The following ARHGAP32 variants were observed in gnomAD, a reference collection of about 807,000 sequenced individuals.
ARHGAP32 encodes Rho GTPase activating protein 32, also known as rho GTPase-activating protein 32.
ARHGAP32 carries 51 observed loss-of-function variants against 186.5 expected under a neutral mutation model. The ratio of observed to expected loss-of-function variants is 0.27; its 90% CI spans 0.22 to 0.35. ARHGAP32 has a LOEUF of 0.35. Among genes scored for constraint, ARHGAP32 ranks in the 10% least tolerant of loss-of-function variants. The pLI, the probability that ARHGAP32 is intolerant of heterozygous loss-of-function variation, is 1.00. For missense variants in ARHGAP32, 2,186 were observed against 2,623.5 expected (o/e 0.83, Z 3.64); for synonymous variants, 950 against 964.3 (o/e 0.99, Z 0.27).
intron 10 of ARHGAP32, among the ~76,000 whole-genome samples, chr11:129,061,558 TA>T (rs1940504730): frequency 6.6e-6 from 1 of 152,146 alleles, no homozygotes; most frequent in Non-Finnish European, 1.5e-5. Flanking sequence ...CACAGCACCT[TA>T]ATACCTCAAC....
At chr11:129,199,546 A>G (rs1404480492) in intron 1 of ARHGAP32, among the ~76,000 whole-genome samples, 1 of 152,270 alleles carries the variant, frequency 6.6e-6, no homozygotes, top group Non-Finnish European at 1.5e-5. Context: ...AGCTTCCACA[A>G]GGTGTTGAGC....
At chr11:129,262,445 G>A (rs780793116) in intron 1 of ARHGAP32, among the ~76,000 whole-genome samples, 17 of 151,490 alleles carry the variant, frequency 1.1e-4, no homozygotes, top group Admixed American at 3.9e-4. Flanking sequence ...GTGCAGTGGC[G>A]CAATCTTGGC....
At chr11:129,160,776 T>C (rs1039051523) in intron 2 of ARHGAP32, among the ~76,000 whole-genome samples, 5 of 152,126 alleles carry the variant, frequency 3.3e-5, no homozygotes, top group Non-Finnish European at 5.9e-5. Flanking sequence ...CAAGCCACCA[T>C]TGACTTTCTT....
At chr11:128,975,040 C>A (rs375966866) in intron 20 of ARHGAP32, 38 bp from the exon 21 acceptor site, 7 of 1,547,952 alleles carry the variant, frequency 4.5e-6, no homozygotes, top group Non-Finnish European at 6.1e-6. Context: ...GTAAGAACAT[C>A]GTAGATACAG....
intron 12 of ARHGAP32, among the ~76,000 whole-genome samples, chr11:128,998,105 G>A (rs527852056): frequency 4.6e-5 from 7 of 152,276 alleles, no homozygotes; most frequent in African/African-American, 7.2e-5. Context: ...TACTCTTCCC[G>A]AATAGAACAC....
intron 2 of ARHGAP32, among the ~76,000 whole-genome samples, chr11:129,138,159 C>T (rs1405810774): frequency 6.6e-6 from 1 of 151,540 alleles, no homozygotes; most frequent in Non-Finnish European, 1.5e-5. Flanking sequence ...AAACTGAAGC[C>T]CTGAATTTAA....
In ARHGAP32 at chr11:128,968,376, T is replaced by C. The variant is rs534886543; in HGVS notation, c.*531A>G. 2 of 152,344 alleles carry C rather than the reference T, an allele frequency of 1.3e-5. No individual in the cohort carries two copies. The highest frequency in any genetic ancestry group is 6.5e-5 in the Admixed American group (1 of 15,302). The allele number at this position is 152,344 out of a possible 1,614,324, so 9.4% of individuals were successfully genotyped here. On this transcript the variant is annotated 3_prime_UTR_variant, in exon 23 of 23. Coordinates refer to ENST00000682385, the MANE Select transcript of ARHGAP32 (RefSeq NM_001378024.1). ...GACTGACCTTGAAGGATCAGGGATT[T>C]TTCCACGACTCTAACTGAACACAAG... is the stretch of plus-strand genomic sequence containing the variant.
chr11:129,110,616 A>C (rs1942181674), intron 5 of ARHGAP32, among the ~76,000 whole-genome samples: 1 of 152,168 alleles, frequency 6.6e-6, no homozygotes, highest in African/African-American at 2.4e-5. Context: ...AATTTCATTC[A>C]TCAGTGTTAC....
At chr11:129,249,747 C>A (rs1419943897) in intron 1 of ARHGAP32, among the ~76,000 whole-genome samples, 2 of 151,932 alleles carry the variant, frequency 1.3e-5, no homozygotes, top group Non-Finnish European at 2.9e-5. Flanking sequence ...CATTTGATAT[C>A]CACCACACCT....
At chr11:129,112,547 A>G (rs1942254192) in intron 5 of ARHGAP32, among the ~76,000 whole-genome samples, 1 of 151,996 alleles carries the variant, frequency 6.6e-6, no homozygotes, top group Non-Finnish European at 1.5e-5. Flanking sequence ...TGGCTGCTTC[A>G]TGGTACATTA....
chr11:129,074,445 A>G (rs1940972616), intron 6 of ARHGAP32, among the ~76,000 whole-genome samples: 1 of 152,194 alleles, frequency 6.6e-6, no homozygotes, highest in South Asian at 2.1e-4. Flanking sequence ...GTGAACTAGG[A>G]TTAGTTGTAA....
chr11:128,983,155 G>A (rs1454854684), intron 15 of ARHGAP32, among the ~76,000 whole-genome samples: 10 of 152,026 alleles, frequency 6.6e-5, no homozygotes, highest in South Asian at 2.1e-4. Flanking sequence ...CCCTTGTACC[G>A]AGGACAAAGT....
chr11:129,221,242 CAA>C (rs1037343069), intron 1 of ARHGAP32, among the ~76,000 whole-genome samples: 2 of 152,028 alleles, frequency 1.3e-5, no homozygotes, highest in Non-Finnish European at 2.9e-5. Context: ...TTTAAGGAGG[CAA>C]AGTTTCTAGC....
intron 2 of ARHGAP32, among the ~76,000 whole-genome samples, chr11:129,139,235 ATAAAGG>A (rs1942997519): frequency 6.6e-6 from 1 of 152,152 alleles, no homozygotes; most frequent in Non-Finnish European, 1.5e-5. Context: ...AAAACTCATC[ATAAAGG>A]TATTAATCTA....
chr11:129,267,177 T>C (rs953561153), intron 1 of ARHGAP32, among the ~76,000 whole-genome samples: 4 of 152,058 alleles, frequency 2.6e-5, no homozygotes, highest in African/African-American at 7.2e-5. Context: ...CTGGCCAACA[T>C]GGTGAAACCC....
At position 128,978,837 on chromosome 11, in the gene ARHGAP32, A is replaced by C; in HGVS notation, c.2055T>G (p.Ser685=). The change falls in exon 19 of 23, where the codon TCT becomes TCG. Residue 685 remains serine (S), a synonymous_variant. Transcript: ENST00000682385. Reference sequence around the variant, plus strand: ...TCCGCTGCAGCTTTCGTTTAGAAACAGATGATGATTTCCCCAAGTTGAAAA... The same window carrying C: ...TCCGCTGCAGCTTTCGTTTAGAAACCGATGATGATTTCCCCAAGTTGAAAA... ...RSFFNLGKSS[S]VSKRKLQRNE... 2 of 1,613,270 alleles carry C rather than the reference A, an allele frequency of 1.2e-6. No individual in the cohort carries two copies. The highest frequency in any genetic ancestry group is 1.7e-6 in the Non-Finnish European group (2 of 1,179,648).
At chr11:129,020,138 T>C (rs1938533273) in intron 11 of ARHGAP32, among the ~76,000 whole-genome samples, 1 of 151,882 alleles carries the variant, frequency 6.6e-6, no homozygotes, top group Non-Finnish European at 1.5e-5. Context: ...TTTAGGGAAA[T>C]TTATCAGGAG....
At chr11:129,085,116 T>C (rs994671140) in intron 6 of ARHGAP32, among the ~76,000 whole-genome samples, 2 of 151,982 alleles carry the variant, frequency 1.3e-5, no homozygotes, top group African/African-American at 4.8e-5. Context: ...CTCAATGTAC[T>C]AGGCTTAAGC....
At chr11:129,118,382 T>G (rs965525952) in intron 5 of ARHGAP32, among the ~76,000 whole-genome samples, 1 of 151,948 alleles carries the variant, frequency 6.6e-6, no homozygotes, top group Non-Finnish European at 1.5e-5. Flanking sequence ...GGAAAGTTTA[T>G]GCTTAGAAAT....
Sources: allele counts gnomAD v4.1 joint callset (sites outside exome capture counted in the v4.1 genomes callset), GRCh38; gene constraint gnomAD v4.1.1; transcripts MANE v1.5; gene names NCBI Gene and HGNC (gene_info 2026-07-23, HGNC 2026-07-21).